FUT6: variants seen among roughly 807,000 people sequenced by gnomAD.
The protein encoded by FUT6 is 4-galactosyl-N-acetylglucosaminide 3-alpha-L-fucosyltransferase FUT6.
For synonymous variants in FUT6, 187 were observed against 209.9 expected (o/e 0.89, Z 0.94); for missense variants, 454 against 494.6 (o/e 0.92, Z 0.78).
In FUT6 at chr19:5,835,077, A is replaced by G. The variant is rs1306883068; in HGVS notation, c.-140T>C. The stretch of plus-strand genomic sequence containing the variant: ...TGGATCCCGTCTGGATGCCCGTGAC[A>G]CTGCAAAAAGCCAGAGACATAAGGG... On this transcript the variant is annotated splice_region_variant and 5_prime_UTR_variant, in exon 2 of 3. Transcript: ENST00000318336. 1.3e-5 allele frequency: 2 copies of G among 152,184 alleles called. No individual in the cohort carries two copies. Among genetic ancestry groups the G allele is most frequent in the African/African-American group, 2.4e-5 (1 of 41,414 alleles). 9.4% of individuals were successfully genotyped at this position (152,184 alleles called of 1,614,324 possible).
In FUT6 at chr19:5,831,728, G is replaced by A. The variant is rs760949055; in HGVS notation, c.840C>T (p.Tyr280=). ...AGGCGTCGGGTGGCAGGAACCTCTC[G>A]TAGTTGCTTCTGCTGGGGCCCAGCA... ...PVVLGPSRSN[Y]ERFLPPDAFI... is the part of the protein sequence containing the mutation. Residue 280 remains tyrosine (Y), a synonymous_variant, in exon 3 of 3, where the codon TAC becomes TAT. Transcript: ENST00000318336. This position sits in a 1 kb window ranked among gnomAD's most constrained non-coding sequence, Gnocchi z 7.0. 4.2e-5 allele frequency: 67 copies of A among 1,612,074 alleles called. 1 individual carries two copies. The highest frequency in any genetic ancestry group is 5.1e-5 in the Non-Finnish European group (60 of 1,179,174).
rs927176065 is a variant in FUT6, at chr19:5,830,856, G to C, written c.*632C>G. The C allele has an allele frequency of 5.0e-6, 1 of 200,794 alleles. No homozygotes were observed. The highest frequency in any genetic ancestry group is 2.3e-5 in the African/African-American group (1 of 43,028). The allele number at this position is 200,794 out of a possible 1,614,324, so 12.4% of individuals were successfully genotyped here. On this transcript the variant is annotated 3_prime_UTR_variant, in exon 3 of 3. Coordinates refer to ENST00000318336, the MANE Select transcript of FUT6 (RefSeq NM_000150.4). ...CCTGACCTTGTGATCCGCCTGCCTC[G>C]GCCTCCCAAAGTGCTGGGATTACAG...
In FUT6 at chr19:5,831,962, G is replaced by A. The variant is rs2057104164; in HGVS notation, c.606C>T (p.Asn202=). 2.5e-6 allele frequency: 4 copies of A among 1,614,014 alleles called. No homozygotes were observed. Among genetic ancestry groups the A allele is most frequent in the Non-Finnish European group, 3.4e-6 (4 of 1,179,906 alleles). ...TCTGGTAGTAGCGCACCCTGGCGGA[G>A]TTTGGCCCCCAGTTGGACACTGCCC... is the stretch of plus-strand genomic sequence containing the variant. The part of the protein sequence containing the change: ...VAWAVSNWGP[N]SARVRYYQSL... The change falls in exon 3 of 3, where the codon AAC becomes AAT. Residue 202 remains asparagine, a synonymous_variant. Transcript: ENST00000318336. The surrounding 1 kb of genome is among the most constrained non-coding windows in gnomAD (Gnocchi z 7.0).
intron 2 of FUT6, among the ~76,000 whole-genome samples, chr19:5,833,743 A>G (rs2057140480): frequency 6.6e-6 from 1 of 151,810 alleles, no homozygotes; most frequent in South Asian, 2.1e-4. Flanking sequence ...CAGGGAGCCA[A>G]GATGGCACCA....
chr19:5,832,453 C>T lies in FUT6; in HGVS notation c.115G>A (p.Asp39Asn), dbSNP rs202215473. ...CFFSYLRVSQ[D>N]DPTVYPNGSR... ...CCATTAGGGTACACAGTGGGATCGT[C>T]TTGAGACACACGCAGATAGGAGAAG... The change falls in exon 3 of 3, where the codon GAC (aspartate) becomes AAC (asparagine). Residue 39 changes from aspartate (D) to asparagine (N), a missense_variant. Asp to Asn is a conservative substitution (Grantham distance 23). Transcript: ENST00000318336. The surrounding 1 kb of genome is among the most constrained non-coding windows in gnomAD (Gnocchi z 4.3). The T allele has an allele frequency of 1.2e-6, 2 of 1,613,908 alleles. No individual in the cohort carries two copies. Among genetic ancestry groups the T allele is most frequent in the African/African-American group, 2.7e-5 (2 of 74,992 alleles).
intron 2 of FUT6, among the ~76,000 whole-genome samples, chr19:5,833,222 C>A (rs1003027270): frequency 6.6e-6 from 1 of 152,182 alleles, no homozygotes; most frequent in African/African-American, 2.4e-5. Flanking sequence ...GGCAGCCATG[C>A]GCGGTGGTTC....
intron 1 of FUT6, among the ~76,000 whole-genome samples, chr19:5,835,472 C>A (rs2057166803): frequency 6.6e-6 from 1 of 152,170 alleles, no homozygotes; most frequent in East Asian, 1.9e-4. Flanking sequence ...TCCCGAATAA[C>A]CTTGTCCCAC....
In FUT6 at chr19:5,831,603, C is replaced by T. The variant is rs532975585; in HGVS notation, c.965G>A (p.Arg322Gln). 9.3e-6 allele frequency: 15 copies of T among 1,614,062 alleles called. No individual in the cohort carries two copies. The highest frequency in any genetic ancestry group is 1.7e-4 in the Middle Eastern group (1 of 6,012). ...HARYLSYFRW[R>Q]ETLRPRSFSW... Reference sequence around the variant, plus strand: ...GAAGGAGCGAGGCCGCAGCGTCTCCCGCCAGCGAAAGTAGCTCAGGTAGCG... The same window carrying T: ...GAAGGAGCGAGGCCGCAGCGTCTCCTGCCAGCGAAAGTAGCTCAGGTAGCG... The change falls in exon 3 of 3, where the codon CGG (arginine) becomes CAG (glutamine). Residue 322 changes from arginine (R) to glutamine (Q), a missense_variant. Physicochemically the swap from Arg to Gln is conservative, Grantham distance 43. Transcript: ENST00000318336. The surrounding 1 kb of genome is among the most constrained non-coding windows in gnomAD (Gnocchi z 7.0).
At position 5,834,164 on chromosome 19, in the gene FUT6, T is replaced by C. The variant is rs2057147750; in HGVS notation, c.-13+786A>G. Reference sequence around the variant, plus strand: ...AAAAAAAAAGAGAGAATAGAAATATTCACTCAGGGTTTCTTTCAACAAGCA... The same window carrying C: ...AAAAAAAAAGAGAGAATAGAAATATCCACTCAGGGTTTCTTTCAACAAGCA... On this transcript the variant is annotated intron_variant, in intron 2 of 2. Transcript: ENST00000318336. 2.0e-5 allele frequency: 3 copies of C among 152,056 alleles called. No individual in the cohort carries two copies. The South Asian group carries it at 6.2e-4, about 31-fold the overall frequency. 9.4% of individuals were successfully genotyped at this position (152,056 alleles called of 1,614,324 possible). A position where few individuals can be genotyped will look rare whatever the true frequency, so the allele number is the denominator to read the frequency against.
At chr19:5,833,567 G>T (rs766173796) in intron 2 of FUT6, among the ~76,000 whole-genome samples, 2 of 151,444 alleles carry the variant, frequency 1.3e-5, no homozygotes, top group Non-Finnish European at 2.9e-5. Context: ...GAGGCTGAAG[G>T]TGGATCACTT....
chr19:5,831,863 C>G lies in FUT6; in HGVS notation c.705G>C (p.Glu235Asp), dbSNP rs747315047. ...HKPLPQGTMM[E>D]TLSRYKFYLA... ...GATAGAACTTGTACCGGGACAGCGT[C>G]TCCATCATGGTTCCCTGGGGCAGGG... Residue 235 changes from glutamate to aspartate, a missense_variant, in exon 3 of 3, where the codon GAG becomes GAC. Transcript: ENST00000318336. The surrounding 1 kb of genome is among the most constrained non-coding windows in gnomAD (Gnocchi z 7.0). 6.2e-7 allele frequency: 1 copy of G among 1,613,876 alleles called. No homozygotes were observed.
intron 2 of FUT6, among the ~76,000 whole-genome samples, chr19:5,833,414 G>C (rs370973422): frequency 6.6e-6 from 1 of 151,534 alleles, no homozygotes; most frequent in South Asian, 2.1e-4. Context: ...GCTTGAACCT[G>C]GGGGGTGGAG....
In FUT6 at chr19:5,832,300, A is replaced by C; in HGVS notation, c.268T>G (p.Cys90Gly). ...ACCTTGCGGTCGGCAGTGATGTTGC[A>C]GTCAGCCGTGCCAGGCACCATCTCT... ...CSEMVPGTAD[C>G]NITADRKVYP... is the part of the protein sequence containing the mutation. Residue 90 changes from cysteine (C) to glycine (G), a missense_variant, in exon 3 of 3, where the codon TGC becomes GGC. Cys to Gly is a radical substitution (Grantham distance 159). Transcript: ENST00000318336. This position sits in a 1 kb window ranked among gnomAD's most constrained non-coding sequence, Gnocchi z 4.3. 16 of 1,613,992 alleles carry C rather than the reference A, an allele frequency of 9.9e-6. No homozygotes were observed. Among genetic ancestry groups the C allele is most frequent in the Non-Finnish European group, 1.4e-5 (16 of 1,179,990 alleles).
rs772748812 is a variant in FUT6, at chr19:5,832,532, C to T, written c.36G>A (p.Ser12=). The T allele has an allele frequency of 2.1e-5, 34 of 1,613,532 alleles. No homozygotes were observed. Among genetic ancestry groups the T allele is most frequent in the Admixed American group, 5.0e-5 (3 of 60,000 alleles). Residue 12 remains serine, a synonymous_variant, in exon 3 of 3, where the codon TCG becomes TCA. Coordinates refer to ENST00000318336, the MANE Select transcript of FUT6 (RefSeq NM_000150.4). This position sits in a 1 kb window ranked among gnomAD's most constrained non-coding sequence, Gnocchi z 4.3. Reference sequence around the variant, plus strand: ...GCAGCGTGGTCAGACAGCAGCGCCACGACCACTGTGGCTTGGCCGGGCCCA... The same window carrying T: ...GCAGCGTGGTCAGACAGCAGCGCCATGACCACTGTGGCTTGGCCGGGCCCA... ...DPLGPAKPQW[S]WRCCLTTLLF...
In FUT6 at chr19:5,831,112, G is replaced by A; in HGVS notation, c.*376C>T. Reference sequence around the variant, plus strand: ...AGGCTCCTAGCAGGTGAGATTCAGTGTGGAAGGTCTCTGGGAGCAGGTCCC... The same window carrying A: ...AGGCTCCTAGCAGGTGAGATTCAGTATGGAAGGTCTCTGGGAGCAGGTCCC... On this transcript the variant is annotated 3_prime_UTR_variant, in exon 3 of 3. Coordinates refer to ENST00000318336, the MANE Select transcript of FUT6 (RefSeq NM_000150.4). The surrounding 1 kb of genome is among the most constrained non-coding windows in gnomAD (Gnocchi z 7.0). 1 of 596,462 alleles carries A rather than the reference G, an allele frequency of 1.7e-6. No individual in the cohort carries two copies. The allele number at this position is 596,462 out of a possible 1,614,324, so 36.9% of individuals were successfully genotyped here.
In FUT6 at chr19:5,831,398, G is replaced by T. The variant is rs746111921; in HGVS notation, c.*90C>A. ...AGTCCTCAGGCAGGTGAAGCTTCAGGCAAACGAGTCCTTAGGTAGATGAGG... is the reference window on the plus strand; with the variant it reads ...AGTCCTCAGGCAGGTGAAGCTTCAGTCAAACGAGTCCTTAGGTAGATGAGG... On this transcript the variant is annotated 3_prime_UTR_variant, in exon 3 of 3. Coordinates refer to ENST00000318336, the MANE Select transcript of FUT6 (RefSeq NM_000150.4). This position sits in a 1 kb window ranked among gnomAD's most constrained non-coding sequence, Gnocchi z 7.0. 2.2e-5 allele frequency: 36 copies of T among 1,612,512 alleles called. No individual in the cohort carries two copies. The highest frequency in any genetic ancestry group is 3.0e-5 in the Non-Finnish European group (35 of 1,180,008).
rs1273143670 is a variant in FUT6 at position 5,831,676 on chromosome 19, G to A, written c.892C>T (p.Pro298Ser). Residue 298 changes from proline (P) to serine (S), a missense_variant, in exon 3 of 3, where the codon CCC becomes TCC. Physicochemically the swap from Pro to Ser is moderately conservative, Grantham distance 74. Coordinates refer to ENST00000318336, the MANE Select transcript of FUT6 (RefSeq NM_000150.4). The surrounding 1 kb of genome is among the most constrained non-coding windows in gnomAD (Gnocchi z 7.0). ...AFIHVDDFQS[P>S]KDLARYLQEL... is the part of the protein sequence containing the mutation. ...TGCAGGTACCGGGCCAGGTCCTTGG[G>A]GCTCTGGAAGTCGTCCACGTGGATG... 6.2e-7 allele frequency: 1 copy of A among 1,612,156 alleles called. No homozygotes were observed.
chr19:5,831,195 C>A lies in FUT6; in HGVS notation c.*293G>T, dbSNP rs998814356. 1.4e-6 allele frequency: 1 copy of A among 724,768 alleles called. No individual in the cohort carries two copies. The highest frequency in any genetic ancestry group is 1.7e-5 in the African/African-American group (1 of 57,536). The allele number at this position is 724,768 out of a possible 1,614,324, so 44.9% of individuals were successfully genotyped here. A position where few individuals can be genotyped will look rare whatever the true frequency, so the allele number is the denominator to read the frequency against. On this transcript the variant is annotated 3_prime_UTR_variant, in exon 3 of 3. Transcript: ENST00000318336. The surrounding 1 kb of genome is among the most constrained non-coding windows in gnomAD (Gnocchi z 7.0). Reference sequence around the variant, plus strand: ...AGTAGGCAAAGTCCCCAGGAGACATCCCCAGCAGGCCAGGCTTCCGCAGGG... The same window carrying A: ...AGTAGGCAAAGTCCCCAGGAGACATACCCAGCAGGCCAGGCTTCCGCAGGG...
At chr19:5,833,135 A>C (rs1232186548) in intron 2 of FUT6, among the ~76,000 whole-genome samples, 1 of 152,240 alleles carries the variant, frequency 6.6e-6, no homozygotes, top group Non-Finnish European at 1.5e-5. Flanking sequence ...AAGCAAAGGA[A>C]GTACTCAGGG....
Sources: allele counts gnomAD v4.1 joint callset (sites outside exome capture counted in the v4.1 genomes callset), GRCh38; gene constraint gnomAD v4.1.1; non-coding constraint Gnocchi (gnomAD v3.1); transcripts MANE v1.5; gene names NCBI Gene and HGNC (gene_info 2026-07-23, HGNC 2026-07-21).